Variants in NT5C3B observed in about 807,000 individuals in gnomAD.
The protein encoded by NT5C3B is 5'-nucleotidase, cytosolic IIIB, also known as 7-methylguanosine phosphate-specific 5'-nucleotidase.
NT5C3B carries 28 observed loss-of-function variants against 32.5 expected under a neutral mutation model. The ratio of observed to expected loss-of-function variants is 0.86; its 90% confidence interval spans 0.64 to 1.18. The LOEUF is 1.18. Among genes scored for constraint, NT5C3B ranks in the 50% most tolerant of loss-of-function variants. The pLI is 0.00. For synonymous variants in NT5C3B, 138 were observed against 118.0 expected, an observed-to-expected ratio of 1.17 and a Z score of -1.10; for missense variants, 317 against 322.0, an observed-to-expected ratio of 0.98 and a Z score of 0.12.
At chr17:41,830,932 G>A (rs539703716) in intron 5 of NT5C3B, 42 bp from the exon 6 acceptor site, 23 of 1,242,790 alleles carry the variant, frequency 1.9e-5, no homozygotes, top group Middle Eastern at 1.9e-4. Flanking sequence ...TCAAATCACT[G>A]AAGTAAATAA....
At chr17:41,835,325 G>T in intron 2 of NT5C3B, 53 bp from the exon 3 acceptor site, 1 of 1,474,148 alleles carries the variant, frequency 6.8e-7, no homozygotes, top group Non-Finnish European at 9.5e-7. Flanking sequence ...TTCTAGTGTG[G>T]CCCTGCCTCA....
chr17:41,826,999 CAA>C (rs34220910), intron 8 of NT5C3B, among the ~76,000 whole-genome samples: 181 of 118,790 alleles, frequency 1.5e-3, no homozygotes, highest in East Asian at 3.8e-3. Flanking sequence ...GACTCTATCT[CAA>C]AAAAAAAAAA....
intron 8 of NT5C3B, among the ~76,000 whole-genome samples, chr17:41,826,941 A>G (rs1351955599): frequency 6.6e-6 from 1 of 150,414 alleles, no homozygotes; most frequent in African/African-American, 2.4e-5. Flanking sequence ...TGGAAGTTGC[A>G]GTAAGCCAAG....
chr17:41,827,489 G>A lies in NT5C3B; in HGVS notation c.705C>T (p.Leu235=), dbSNP rs1451494445. The change falls in exon 8 of 9, where the codon CTC becomes CTT. Residue 235 remains leucine (L), a synonymous_variant. Coordinates refer to ENST00000435506, the MANE Select transcript of NT5C3B (RefSeq NM_052935.5). The part of the protein sequence containing the change: ...VILLGDSIGD[L]TMADGVPGVQ... ...CACCAGGAACCCCATCGGCCATGGT[G>A]AGGTCCCCGATAGAGTCTCCCAGCA... 5.7e-6 allele frequency: 5 copies of A among 872,850 alleles called. No individual in the cohort carries two copies. Among genetic ancestry groups the A allele is most frequent in the Non-Finnish European group, 1.0e-5 (5 of 501,698 alleles). The allele number at this position is 872,850 out of a possible 1,614,324, so 54.1% of individuals were successfully genotyped here. A position where few individuals can be genotyped will look rare whatever the true frequency, so the allele number is the denominator to read the frequency against.
At chr17:41,827,274 G>A (rs1290119964) in intron 8 of NT5C3B, 152 bp downstream of exon 8, 1 of 359,234 alleles carries the variant, frequency 2.8e-6, no homozygotes, top group Middle Eastern at 7.8e-4. Flanking sequence ...ACTCCAGCCT[G>A]GGCGACAGAG....
At chr17:41,831,631 C>T (rs2048053452) in intron 5 of NT5C3B, among the ~76,000 whole-genome samples, 1 of 152,170 alleles carries the variant, frequency 6.6e-6, no homozygotes. Context: ...TTTCTCTCTC[C>T]CCTACTCTCT....
chr17:41,825,298 C>T lies in NT5C3B; in HGVS notation c.*225G>A. The stretch of plus-strand genomic sequence containing the variant: ...AGACAATCCCTAGAGCACTGACATG[C>T]TGTGGTCCAAGGTTCACCAGGAACA... On this transcript the variant is annotated 3_prime_UTR_variant, in exon 9 of 9. Coordinates refer to ENST00000435506, the MANE Select transcript of NT5C3B (RefSeq NM_052935.5). The T allele has an allele frequency of 5.8e-6, 3 of 515,976 alleles. No individual in the cohort carries two copies. Among genetic ancestry groups the T allele is most frequent in the Non-Finnish European group, 1.0e-5 (3 of 289,118 alleles). 32.0% of individuals were successfully genotyped at this position (515,976 alleles called of 1,614,324 possible). A position where few individuals can be genotyped will look rare whatever the true frequency, so the allele number is the denominator to read the frequency against.
intron 4 of NT5C3B, among the ~76,000 whole-genome samples, 183 bp downstream of exon 4, chr17:41,834,887 T>A (rs549694080): frequency 2.0e-5 from 3 of 152,330 alleles, no homozygotes; most frequent in African/African-American, 4.8e-5. Flanking sequence ...TTAATCATCA[T>A]ATGTCCTGGC....
At chr17:41,833,321 ATTT>A (rs11309553) in intron 4 of NT5C3B, among the ~76,000 whole-genome samples, 1 of 147,424 alleles carries the variant, frequency 6.8e-6, no homozygotes, top group Non-Finnish European at 1.5e-5. Context: ...TTCATGTACA[ATTT>A]TTTTTTTTTT....
At chr17:41,829,404 C>G (rs193273496) in intron 6 of NT5C3B, among the ~76,000 whole-genome samples, 1 of 152,158 alleles carries the variant, frequency 6.6e-6, no homozygotes, top group Non-Finnish European at 1.5e-5. Flanking sequence ...ATTCAATAAG[C>G]GGTTAAAGTG....
Position 41,834,393 on chromosome 17 carries a change from T to TACACACACACACAC in NT5C3B, c.228+663_228+676dup, listed in dbSNP as rs56965181. On this transcript the variant is annotated intron_variant, in intron 4 of 8. Coordinates refer to ENST00000435506, the MANE Select transcript of NT5C3B (RefSeq NM_052935.5). Reference sequence around the variant, plus strand: ...CAAGACTCTGTCTCAAAAAAAAAAATACACACACACACACACACACACACA... The same window carrying TACACACACACACAC: ...CAAGACTCTGTCTCAAAAAAAAAAATACACACACACACACACACACACACACACACACACACACA... 8.7e-4 allele frequency among the ~76,000 whole-genome samples: 122 copies of TACACACACACACAC among 139,760 alleles called. 1 individual carries two copies. Among genetic ancestry groups the TACACACACACACAC allele is most frequent in the Middle Eastern group, 7.4e-3 (2 of 272 alleles). 91.7% of individuals were successfully genotyped at this position (139,760 alleles called of 152,430 possible). A position where few individuals can be genotyped will look rare whatever the true frequency, so the allele number is the denominator to read the frequency against.
chr17:41,835,941 T>G lies in NT5C3B; in HGVS notation c.29A>C (p.Lys10Thr). 6.3e-7 allele frequency: 1 copy of G among 1,594,838 alleles called. No individual in the cohort carries two copies. The highest frequency in any genetic ancestry group is 8.5e-7 in the Non-Finnish European group (1 of 1,171,456). The change falls in exon 2 of 9, where the codon AAG (lysine) becomes ACG (threonine). Residue 10 changes from lysine to threonine, a missense_variant. By Grantham distance (78) the Lys-to-Thr change is moderately conservative. Transcript: ENST00000435506. The stretch of plus-strand genomic sequence containing the variant: ...AGGCTGCCGCATCAGGACCGTGGCC[T>G]TCATCAGGGTGCTCACCTGTCCCGA... MAEEVSTLM[K>T]ATVLMRQPGR...
chr17:41,831,987 T>C (rs2048059594), intron 5 of NT5C3B, among the ~76,000 whole-genome samples: 1 of 152,092 alleles, frequency 6.6e-6, no homozygotes, highest in South Asian at 2.1e-4. Context: ...GCCCAGGCAG[T>C]TGAGGCTGCA....
At chr17:41,825,755 AGC>A in intron 8 of NT5C3B, 98 bp from the exon 9 acceptor site, 1 of 821,644 alleles carries the variant, frequency 1.2e-6, no homozygotes, top group Middle Eastern at 2.5e-4. Context: ...AGAGCATTCA[AGC>A]AGCAACTCCC....
Position 41,825,449 on chromosome 17 carries a change from G to A in NT5C3B, c.*74C>T. 1 of 801,728 alleles carries A rather than the reference G, an allele frequency of 1.2e-6. No homozygotes were observed. 49.7% of individuals were successfully genotyped at this position (801,728 alleles called of 1,614,324 possible). On this transcript the variant is annotated 3_prime_UTR_variant, in exon 9 of 9. Coordinates refer to ENST00000435506, the MANE Select transcript of NT5C3B (RefSeq NM_052935.5). ...CTGGCCACCCTGGCCTCTGCTCTGT[G>A]TTCACGGGGGAGCAGACTCTGGGGA...
intron 2 of NT5C3B, chr17:41,835,549 T>G (rs71373456): frequency 0.14 from 97,676 of 691,378 alleles, 7,765 homozygotes; most frequent in East Asian, 0.16. Flanking sequence ...TCCTAAGAGA[T>G]CTCTACCATT....
chr17:41,825,316 C>T lies in NT5C3B; in HGVS notation c.*207G>A. 1.8e-6 allele frequency: 1 copy of T among 545,110 alleles called. No homozygotes were observed. The highest frequency in any genetic ancestry group is 2.9e-5 in the East Asian group (1 of 34,878). The allele number at this position is 545,110 out of a possible 1,614,324, so 33.8% of individuals were successfully genotyped here. ...TGACATGCTGTGGTCCAAGGTTCAC[C>T]AGGAACAGTGCCTGTGCCCTGCCAC... On this transcript the variant is annotated 3_prime_UTR_variant, in exon 9 of 9. Coordinates refer to ENST00000435506, the MANE Select transcript of NT5C3B (RefSeq NM_052935.5).
At position 41,835,933 on chromosome 17, in the gene NT5C3B, C is replaced by A; in HGVS notation, c.37G>T (p.Val13Phe). ...EEVSTLMKAT[V>F]LMRQPGRVQE... ...ACCCGCCCAGGCTGCCGCATCAGGA[C>A]CGTGGCCTTCATCAGGGTGCTCACC... The change falls in exon 2 of 9, where the codon GTC becomes TTC. Residue 13 changes from valine (V) to phenylalanine (F), a missense_variant. Physicochemically the swap from Val to Phe is conservative, Grantham distance 50 (BLOSUM62 -1). Transcript: ENST00000435506. 6.3e-7 allele frequency: 1 copy of A among 1,599,756 alleles called. No homozygotes were observed. Among genetic ancestry groups the A allele is most frequent in the Non-Finnish European group, 8.5e-7 (1 of 1,174,000 alleles).
At chr17:41,833,405 C>T (rs2048085248) in intron 4 of NT5C3B, among the ~76,000 whole-genome samples, 1 of 152,098 alleles carries the variant, frequency 6.6e-6, no homozygotes, top group Non-Finnish European at 1.5e-5. Flanking sequence ...CAACCTCCGC[C>T]TCCCGGGTTC....
Sources: allele counts gnomAD v4.1 joint callset (sites outside exome capture counted in the v4.1 genomes callset), GRCh38; gene constraint gnomAD v4.1.1; transcripts MANE v1.5; gene names NCBI Gene and HGNC (gene_info 2026-07-23, HGNC 2026-07-21).